GSE1: variants seen among roughly 807,000 people sequenced by gnomAD.
GSE1 encodes genetic suppressor element 1.
In GSE1, 32 loss-of-function variants were observed where a neutral mutation model predicts 112.6. The observed-to-expected ratio is 0.28, with a 90% CI of 0.21 to 0.38. The LOEUF is 0.38. Ranked by LOEUF, GSE1 falls within the 10% of genes least tolerant of loss-of-function variation. GSE1 has a pLI of 1.00. For synonymous variants in GSE1, 1,115 were observed against 735.6 expected (o/e 1.52, Z -8.35); for missense variants, 2,348 against 1,699.2 (o/e 1.38, Z -6.71).
intron 2 of GSE1, among the ~76,000 whole-genome samples, chr16:85,436,644 G>A (rs2049253035): frequency 1.3e-5 from 2 of 152,358 alleles, no homozygotes; most frequent in East Asian, 1.9e-4. Flanking sequence ...AGAGAGTCCC[G>A]GGAGGCAGCT....
At chr16:85,336,417 C>T (rs2046485743) in intron 1 of GSE1, among the ~76,000 whole-genome samples, 1 of 152,192 alleles carries the variant, frequency 6.6e-6, no homozygotes, top group African/African-American at 2.4e-5. Flanking sequence ...AGATGCCGAC[C>T]AGTCGGTGGC....
At chr16:85,224,948 T>C (rs1028544665) in intron 1 of GSE1, among the ~76,000 whole-genome samples, 6 of 150,868 alleles carry the variant, frequency 4.0e-5, no homozygotes, top group African/African-American at 1.5e-4. Flanking sequence ...GCCAATATGG[T>C]GAAACCCTGT....
At position 85,534,374 on chromosome 16, in the gene GSE1, G is replaced by A. The variant is rs561932037; in HGVS notation, c.2465-99540G>A. Among the ~76,000 whole-genome samples the A allele has an allele frequency of 5.9e-5, 9 of 151,994 alleles. No homozygotes were observed. The South Asian group carries it at 1.2e-3, about 21-fold the overall frequency. On this transcript the variant is annotated intron_variant, in intron 2 of 2. Coordinates refer to the GSE1 transcript ENST00000637419. ...TGACCTCAAGTGATCCGCCCACCTC[G>A]GCCTCCCAAAGTGCTGGGATTACAG...
chr16:85,182,507 C>T (rs755159812), intron 1 of GSE1, among the ~76,000 whole-genome samples: 1 of 152,210 alleles, frequency 6.6e-6, no homozygotes, highest in Non-Finnish European at 1.5e-5. Flanking sequence ...CCGGAAACTG[C>T]GTTTTCTTCC....
chr16:85,657,663 T>C, intron 8 of GSE1, 59 bp downstream of exon 8: 2 of 1,200,510 alleles, frequency 1.7e-6, no homozygotes, highest in South Asian at 1.7e-5. Flanking sequence ...TTGTTCAGCG[T>C]GTATTGAGCA....
chr16:85,220,518 G>A (rs2075372703), intron 1 of GSE1, among the ~76,000 whole-genome samples: 2 of 152,254 alleles, frequency 1.3e-5, no homozygotes, highest in Admixed American at 1.3e-4. Context: ...GGAGCCTGGG[G>A]CAGCTGTGCC....
intron 1 of GSE1, among the ~76,000 whole-genome samples, chr16:85,347,672 G>A (rs909596967): frequency 1.4e-5 from 2 of 146,190 alleles, no homozygotes; most frequent in Non-Finnish European, 3.0e-5. Flanking sequence ...GGGACACACA[G>A]TTCCTGCCTC....
intron 2 of GSE1, among the ~76,000 whole-genome samples, chr16:85,458,727 T>G (rs956976902): frequency 1.3e-5 from 2 of 152,120 alleles, no homozygotes; most frequent in African/African-American, 4.8e-5. Context: ...AAACGCTGGG[T>G]GGCAGAGCAA....
rs866068752 is a variant in GSE1, at chr16:85,587,179, C to G, written c.37+30816C>G. Among the ~76,000 whole-genome samples, 341 of 150,998 alleles carry G rather than the reference C, an allele frequency of 2.3e-3. 3 individuals are homozygous for G. Among genetic ancestry groups the G allele is most frequent in the African/African-American group, 6.7e-3 (275 of 41,308 alleles). On this transcript the variant is annotated intron_variant, in intron 1 of 2. Coordinates refer to the GSE1 transcript ENST00000635906. The stretch of plus-strand genomic sequence containing the variant: ...GGTCTGAGGACGAAACCCCCCCCCC[C>G]CCAGACCAGACCCCATGGTCTGGAG...
chr16:85,425,544 G>A (rs947133012), intron 2 of GSE1, among the ~76,000 whole-genome samples: 6 of 152,296 alleles, frequency 3.9e-5, no homozygotes, highest in East Asian at 1.9e-4. Flanking sequence ...GATTTGGAGC[G>A]GAGCCACACC....
chr16:85,181,136 G>GC (rs1193464276), intron 1 of GSE1, among the ~76,000 whole-genome samples: 1 of 152,228 alleles, frequency 6.6e-6, no homozygotes, highest in Non-Finnish European at 1.5e-5. Flanking sequence ...GGGTCCGCTG[G>GC]CCCCGGGATC....
At chr16:85,242,868 G>T (rs1905271529) in intron 1 of GSE1, among the ~76,000 whole-genome samples, 1 of 152,182 alleles carries the variant, frequency 6.6e-6, no homozygotes, top group African/African-American at 2.4e-5. Context: ...CTGGAGTGCA[G>T]TAGTGTGATC....
chr16:85,188,927 C>T (rs1274260960), intron 1 of GSE1, among the ~76,000 whole-genome samples: 3 of 152,136 alleles, frequency 2.0e-5, no homozygotes, highest in Non-Finnish European at 4.4e-5. Context: ...AAATCTGGTG[C>T]ATATGTGCAT....
intron 1 of GSE1, among the ~76,000 whole-genome samples, chr16:85,627,933 A>T (rs2049216457): frequency 6.6e-6 from 1 of 152,172 alleles, no homozygotes; most frequent in African/African-American, 2.4e-5. Flanking sequence ...GAACACCTGC[A>T]CGGGAGGAGG....
intron 1 of GSE1, among the ~76,000 whole-genome samples, chr16:85,570,299 C>T (rs1293412436): frequency 6.6e-6 from 1 of 152,124 alleles, no homozygotes; most frequent in African/African-American, 2.4e-5. Flanking sequence ...CAAGTCTGTG[C>T]TTAGGAGAGG....
intron 1 of GSE1, among the ~76,000 whole-genome samples, chr16:85,331,703 ATATATTTT>A (rs1246647945): frequency 4.9e-5 from 2 of 40,630 alleles, no homozygotes; most frequent in Non-Finnish European, 5.6e-5. Context: ...ATATATATAT[ATATATTTT>A]TTTTTTTTTT....
chr16:85,665,595 T>TAAA (rs1555570945), intron 12 of GSE1, among the ~76,000 whole-genome samples: 2 of 151,868 alleles, frequency 1.3e-5, no homozygotes, highest in Non-Finnish European at 2.9e-5. Flanking sequence ...TTCCTCCTCT[T>TAAA]ACAGTTCTGG....
chr16:85,318,370 C>G (rs745435863), intron 1 of GSE1, among the ~76,000 whole-genome samples: 13 of 152,116 alleles, frequency 8.5e-5, no homozygotes, highest in Admixed American at 4.6e-4. Flanking sequence ...GTCAAGTGAT[C>G]ATCCTGTCTT....
intron 2 of GSE1, among the ~76,000 whole-genome samples, chr16:85,368,020 T>C (rs1377589732): frequency 1.3e-5 from 2 of 151,644 alleles, no homozygotes; most frequent in South Asian, 2.1e-4. Context: ...CGGCTAATTG[T>C]GTTTTGTATT....
Sources: gnomAD v4.1 joint callset for allele counts (sites outside exome capture counted in the v4.1 genomes callset) on GRCh38, gnomAD v4.1.1 for gene constraint, MANE v1.5 for transcripts, NCBI Gene and HGNC (gene_info 2026-07-23, HGNC 2026-07-21) for gene names.